Variants in FAM90A20 observed in about 807,000 individuals in gnomAD.
FAM90A20 encodes the protein protein FAM90A20.
the FAM90A20 span, among the ~76,000 whole-genome samples, chr8:7,296,719 G>A: frequency 7.4e-6 from 1 of 135,732 alleles, no homozygotes; most frequent in Admixed American, 6.9e-5. Context: ...CATAGAAGAC[G>A]TCCCGAGTAC....
the FAM90A20 span, chr8:7,297,552 C>T: frequency 1.1e-5 from 17 of 1,519,934 alleles, 3 homozygotes; most frequent in Non-Finnish European, 1.4e-5. Context: ...CCCAAGAAAC[C>T]GAGACTGGGT....
chr8:7,297,232 AAGAC>A, the FAM90A20 span: 3 of 1,509,568 alleles, frequency 2.0e-6, no homozygotes, highest in Non-Finnish European at 2.7e-6. Context: ...GACCAAAGGA[AAGAC>A]AGACAGGGGC....
At chr8:7,297,656 A>G in the FAM90A20 span, 4 of 1,394,980 alleles carry the variant, frequency 2.9e-6, no homozygotes, top group East Asian at 9.0e-5. Context: ...ACTTGGACCA[A>G]GTAGGTCGCC....
At chr8:7,296,988 C>G in the FAM90A20 span, 1 of 1,281,670 alleles carries the variant, frequency 7.8e-7, no homozygotes, top group South Asian at 1.3e-5. Context: ...TGCACCTTGT[C>G]TTTGGATGTG....
At chr8:7,297,274 C>T in the FAM90A20 span, 1 of 1,383,072 alleles carries the variant, frequency 7.2e-7, no homozygotes, top group South Asian at 1.2e-5. Context: ...GGCCTGCAGT[C>T]AGGCACCAGG....
chr8:7,295,867 A>G, the FAM90A20 span: 5 of 673,242 alleles, frequency 7.4e-6, no homozygotes, highest in Non-Finnish European at 2.6e-6. Flanking sequence ...CTCTTAGGGT[A>G]CTGCCTCCTA....
chr8:7,296,126 G>A, the FAM90A20 span, among the ~76,000 whole-genome samples: 6 of 131,246 alleles, frequency 4.6e-5, 2 homozygotes, highest in Non-Finnish European at 9.1e-5. Flanking sequence ...GCCACCTGGA[G>A]GATGGGAAGG....
the FAM90A20 span, among the ~76,000 whole-genome samples, chr8:7,295,469 C>T: frequency 8.8e-6 from 1 of 113,308 alleles, no homozygotes; most frequent in Non-Finnish European, 1.7e-5. Flanking sequence ...TGCGAGGGAA[C>T]ATCGTATCCG....
chr8:7,296,879 A>G, the FAM90A20 span, among the ~76,000 whole-genome samples: 1 of 136,836 alleles, frequency 7.3e-6, no homozygotes, highest in Non-Finnish European at 1.5e-5. Flanking sequence ...TCGATAGCGC[A>G]TCGTTCATGT....
chr8:7,297,594 G>A, the FAM90A20 span: 49 of 1,491,552 alleles, frequency 3.3e-5, 2 homozygotes, highest in Admixed American at 7.7e-4. Context: ...ACCATCCAGG[G>A]AGGTGAGCTG....
chr8:7,297,333 G>T, the FAM90A20 span: 5 of 1,372,596 alleles, frequency 3.6e-6, no homozygotes, highest in South Asian at 1.2e-5. Context: ...AGCCCTGAGG[G>T]TAGCTGCCGA....
At chr8:7,297,825 T>C in the FAM90A20 span, 17 of 1,082,800 alleles carry the variant, frequency 1.6e-5, 2 homozygotes, top group Non-Finnish European at 1.8e-5. Context: ...TTCCGGAGAC[T>C]GGAAAACGGA....
At chr8:7,297,819 G>A in the FAM90A20 span, 10 of 1,133,090 alleles carry the variant, frequency 8.8e-6, 1 homozygote, top group South Asian at 6.2e-5. Flanking sequence ...GTGCTCTTCC[G>A]GAGACTGGAA....
the FAM90A20 span, chr8:7,295,975 C>T: frequency 2.3e-5 from 12 of 523,892 alleles, 1 homozygote; most frequent in Non-Finnish European, 3.6e-5. Context: ...CCGTGTCCTC[C>T]GGGGTTCCAC....
the FAM90A20 span, chr8:7,297,325 C>A: frequency 1.5e-6 from 2 of 1,366,534 alleles, no homozygotes; most frequent in South Asian, 1.2e-5. Flanking sequence ...CACACAGCAG[C>A]CCTGAGGGTA....
chr8:7,295,499 G>A, the FAM90A20 span: 9 of 524,484 alleles, frequency 1.7e-5, no homozygotes, highest in South Asian at 1.0e-4. Flanking sequence ...AGCACTTAAC[G>A]GCCCCCATGC....
At chr8:7,297,871 T>A in the FAM90A20 span, 2 of 793,032 alleles carry the variant, frequency 2.5e-6, no homozygotes, top group South Asian at 2.8e-5. Flanking sequence ...CCCCCTCATT[T>A]CACTCTCCTG....
the FAM90A20 span, chr8:7,295,760 T>C: frequency 6.9e-5 from 88 of 1,282,388 alleles, 5 homozygotes; most frequent in East Asian, 4.5e-4. Flanking sequence ...CCTGAAACCA[T>C]GGAAGCCTGG....
At chr8:7,297,236 C>G in the FAM90A20 span, 14 of 1,497,060 alleles carry the variant, frequency 9.4e-6, no homozygotes, top group East Asian at 4.5e-5. Context: ...AAAGGAAAGA[C>G]AGACAGGGGC....
Sources: gnomAD v4.1 joint callset for allele counts (sites outside exome capture counted in the v4.1 genomes callset) on GRCh38, gnomAD v4.1.1 for gene constraint, MANE v1.5 for transcripts, NCBI Gene and HGNC (gene_info 2026-07-23, HGNC 2026-07-21) for gene names.